Variants in RANBP17 observed in about 807,000 individuals in gnomAD.
The protein encoded by RANBP17 is RAN binding protein 17, also known as ran-binding protein 17.
RANBP17 carries 158 observed loss-of-function variants against 141.2 expected under a neutral mutation model. That is an observed-to-expected ratio of 1.12 (90% confidence interval 0.98 to 1.28). The LOEUF (loss-of-function observed/expected upper bound fraction) is 1.28. Among genes scored for constraint, RANBP17 ranks in the 50% most tolerant of loss-of-function variants. The pLI is 0.00. For synonymous variants in RANBP17, 430 were observed against 450.0 expected (o/e 0.96, Z 0.56); for missense variants, 1,438 against 1,290.7 (o/e 1.11, Z -1.75).
chr5:171,026,994 G>A (rs144680002), intron 14 of RANBP17, among the ~76,000 whole-genome samples: 239 of 152,174 alleles, frequency 1.6e-3, no homozygotes, highest in African/African-American at 4.9e-3. Context: ...ACCTTATTGG[G>A]AACACACACA....
chr5:171,050,921 T>C (rs1782912930), intron 14 of RANBP17, among the ~76,000 whole-genome samples: 1 of 152,214 alleles, frequency 6.6e-6, no homozygotes, highest in Admixed American at 6.5e-5. Context: ...TATTCTCTAA[T>C]AGAATTAGAA....
chr5:171,286,333 C>G (rs115106433), intron 25 of RANBP17, among the ~76,000 whole-genome samples: 2,213 of 152,132 alleles, frequency 0.015, 50 homozygotes, highest in African/African-American at 0.047. Flanking sequence ...CCCAGTGATT[C>G]CAGGGGAGAG....
chr5:171,089,483 C>A (rs996606317), intron 14 of RANBP17, among the ~76,000 whole-genome samples: 1 of 152,124 alleles, frequency 6.6e-6, no homozygotes, highest in Non-Finnish European at 1.5e-5. Context: ...GTGGTGGGCT[C>A]CACCCAGCTC....
In RANBP17 at chr5:171,214,594, A is replaced by G. The variant is rs147646822; in HGVS notation, c.2339+856A>G. Among the ~76,000 whole-genome samples the G allele has an allele frequency of 2.6e-3, 401 of 152,294 alleles. 2 individuals are homozygous for G. The highest frequency in any genetic ancestry group is 9.0e-3 in the African/African-American group (374 of 41,572). On this transcript the variant is annotated intron_variant, in intron 21 of 27. Coordinates refer to ENST00000523189, the MANE Select transcript of RANBP17 (RefSeq NM_022897.5). ...CTCTGGTGCTGAGTTTTTCACAGCA[A>G]TAATTTAAAGTTTTTACCCTAAAAC...
At chr5:170,886,065 C>G (rs1342147022) in intron 3 of RANBP17, among the ~76,000 whole-genome samples, 2 of 152,090 alleles carry the variant, frequency 1.3e-5, no homozygotes, top group Non-Finnish European at 2.9e-5. Context: ...TCCTTCCAGA[C>G]TTTCATGAAT....
chr5:171,284,129 C>G (rs1194895914), intron 25 of RANBP17, among the ~76,000 whole-genome samples: 2 of 152,132 alleles, frequency 1.3e-5, no homozygotes, highest in African/African-American at 4.8e-5. Flanking sequence ...TGAATATTTA[C>G]TATAAACGTG....
chr5:171,201,865 A>G (rs1358705878), intron 19 of RANBP17, among the ~76,000 whole-genome samples: 1 of 152,232 alleles, frequency 6.6e-6, no homozygotes, highest in African/African-American at 2.4e-5. Flanking sequence ...AAGTGCTTTC[A>G]GGTACTTCAT....
intron 14 of RANBP17, among the ~76,000 whole-genome samples, chr5:171,159,812 AC>A (rs1030932270): frequency 6.0e-5 from 9 of 149,602 alleles, no homozygotes; most frequent in African/African-American, 2.2e-4. Flanking sequence ...GGTCCCAGCT[AC>A]TCGGGAGGCT....
chr5:170,955,089 A>G (rs751665818), intron 13 of RANBP17, among the ~76,000 whole-genome samples: 5 of 152,126 alleles, frequency 3.3e-5, no homozygotes, highest in Non-Finnish European at 7.4e-5. Context: ...GAGGTGGAAC[A>G]GTTTCATCCT....
intron 14 of RANBP17, among the ~76,000 whole-genome samples, chr5:171,013,949 G>A (rs1178865859): frequency 6.6e-6 from 1 of 152,012 alleles, no homozygotes; most frequent in South Asian, 2.1e-4. Context: ...GTCTTAAAGT[G>A]TCTCTTACTA....
chr5:171,219,468 AAT>A (rs1763423912), intron 21 of RANBP17, among the ~76,000 whole-genome samples: 1 of 152,108 alleles, frequency 6.6e-6, no homozygotes, highest in South Asian at 2.1e-4. Flanking sequence ...TCTTTTGGAT[AAT>A]ATCCTGAAAT....
In RANBP17 at chr5:170,924,461, T is replaced by C. The variant is rs1772748374; in HGVS notation, c.1379T>C (p.Leu460Pro). The C allele has an allele frequency of 1.2e-6, 2 of 1,613,548 alleles. No individual in the cohort carries two copies. The highest frequency in any genetic ancestry group is 4.5e-5 in the East Asian group (2 of 44,866). ...RCEYEKTCAL[L>P]VQLFDQNAQN... ...GAATATGAAAAGACATGTGCTCTTC[T>C]TGTGCAGTTATTCGACCAAAATGCA... The change falls in exon 12 of 28, where the codon CTT (leucine) becomes CCT (proline). Residue 460 changes from leucine to proline, a missense_variant. Leu to Pro is a moderately conservative substitution (Grantham distance 98, BLOSUM62 -3). Coordinates refer to ENST00000523189, the MANE Select transcript of RANBP17 (RefSeq NM_022897.5).
intron 14 of RANBP17, among the ~76,000 whole-genome samples, chr5:171,133,629 C>G (rs1392853937): frequency 6.6e-6 from 1 of 152,104 alleles, no homozygotes; most frequent in Non-Finnish European, 1.5e-5. Flanking sequence ...TTGAAAAGAT[C>G]ATAGAATTGC....
intron 13 of RANBP17, among the ~76,000 whole-genome samples, chr5:170,957,750 A>G (rs1476462836): frequency 2.0e-5 from 3 of 152,188 alleles, no homozygotes; most frequent in Non-Finnish European, 2.9e-5. Context: ...TGTGCCATAC[A>G]TGGGTTAGAT....
intron 14 of RANBP17, among the ~76,000 whole-genome samples, chr5:170,981,809 C>A (rs947870361): frequency 6.6e-6 from 1 of 152,060 alleles, no homozygotes; most frequent in African/African-American, 2.4e-5. Flanking sequence ...GAGATTCTAA[C>A]CTTAAATTCC....
chr5:171,214,560 T>A (rs1763100279), intron 21 of RANBP17, among the ~76,000 whole-genome samples: 1 of 152,202 alleles, frequency 6.6e-6, no homozygotes, highest in African/African-American at 2.4e-5. Flanking sequence ...GTTGCAGCTC[T>A]AATGTTATCT....
intron 2 of RANBP17, 33 bp from the exon 3 acceptor site, chr5:170,881,773 T>C: frequency 7.2e-7 from 1 of 1,384,074 alleles, no homozygotes. Flanking sequence ...TAATTTCATT[T>C]ATGATAATAA....
chr5:171,039,185 TC>T (rs1782080733), intron 14 of RANBP17, among the ~76,000 whole-genome samples: 2 of 152,086 alleles, frequency 1.3e-5, no homozygotes, highest in South Asian at 4.1e-4. Flanking sequence ...TAATTTATCT[TC>T]CTACCAACAG....
intron 14 of RANBP17, among the ~76,000 whole-genome samples, chr5:171,001,474 G>C (rs1779197912): frequency 6.6e-6 from 1 of 152,028 alleles, no homozygotes; most frequent in African/African-American, 2.4e-5. Flanking sequence ...AAGTTTTTGG[G>C]GTACACTTCA....
Sources: gnomAD v4.1 joint callset for allele counts (sites outside exome capture counted in the v4.1 genomes callset) on GRCh38, gnomAD v4.1.1 for gene constraint, MANE v1.5 for transcripts, NCBI Gene and HGNC (gene_info 2026-07-23, HGNC 2026-07-21) for gene names.